RGS17: variants seen among roughly 807,000 people sequenced by gnomAD.
RGS17 encodes the protein regulator of G-protein signaling 17.
RGS17 carries 12 observed loss-of-function variants against 25.5 expected under a neutral mutation model. The observed-to-expected ratio is 0.47, with a 90% CI of 0.30 to 0.76. RGS17 has a LOEUF of 0.76. Among genes scored for constraint, RGS17 ranks in the 30% least tolerant of loss-of-function variants. RGS17 has a pLI of 0.07. For missense variants in RGS17, 196 were observed against 242.2 expected (o/e 0.81, Z 1.27); for synonymous variants, 71 against 76.9 (o/e 0.92, Z 0.40).
chr6:153,055,481 C>T (rs1367107172), intron 1 of RGS17, among the ~76,000 whole-genome samples: 3 of 152,096 alleles, frequency 2.0e-5, no homozygotes, highest in African/African-American at 7.2e-5. Context: ...TTTGACTTCA[C>T]ATGGTGGAGA....
chr6:153,043,899 C>T lies in RGS17; in HGVS notation c.119+1G>A. On this transcript the variant is annotated splice_donor_variant, in intron 2 of 4. Transcript: ENST00000206262. LOFTEE classifies it high-confidence loss of function. ...GGCATCCTACAGGTAACATGACATA[C>T]CAGGAGCAGCTGCAACAACAGCACC... The T allele has an allele frequency of 6.2e-7, 1 of 1,601,758 alleles. No homozygotes were observed.
intron 4 of RGS17, among the ~76,000 whole-genome samples, chr6:153,015,870 T>G (rs553743220): frequency 1.4e-4 from 22 of 151,966 alleles, no homozygotes; most frequent in South Asian, 4.2e-4. Context: ...AGCCAGGATG[T>G]TCTCAATCTC....
At chr6:153,113,319 A>T (rs1367065182) in intron 1 of RGS17, among the ~76,000 whole-genome samples, 1 of 152,170 alleles carries the variant, frequency 6.6e-6, no homozygotes, top group African/African-American at 2.4e-5. Flanking sequence ...CAACAAAAAT[A>T]AAAAAAGACA....
chr6:153,056,838 CTGTGTGTGTGTGTGTGTGTG>C lies in RGS17; in HGVS notation c.-25-12815_-25-12796del, dbSNP rs59058708. 1.7e-4 allele frequency among the ~76,000 whole-genome samples: 24 copies of C among 144,486 alleles called. 1 individual carries two copies. Among genetic ancestry groups the C allele is most frequent in the African/African-American group, 5.1e-4 (20 of 39,016 alleles). The allele number at this position is 144,486 out of a possible 152,430, so 94.8% of individuals were successfully genotyped here. ...ATTGAAAAACTCTTAAGAGGAAGGG[CTGTGTGTGTGTGTGTGTGTG>C]TGTGTGTGTGTGTGTGTGTGTGTGT... is the stretch of plus-strand genomic sequence containing the variant. On this transcript the variant is annotated intron_variant, in intron 1 of 4. Coordinates refer to ENST00000206262, the MANE Select transcript of RGS17 (RefSeq NM_012419.5).
At position 153,005,909 on chromosome 6, in the gene RGS17, A is replaced by G. The variant is rs559919576; in HGVS notation, c.*5665T>C. Reference sequence around the variant, plus strand: ...ATGTAATGATCAATATTGGCTCATTAATGCCCATAGATGTATATGGGACCT... The same window carrying G: ...ATGTAATGATCAATATTGGCTCATTGATGCCCATAGATGTATATGGGACCT... On this transcript the variant is annotated 3_prime_UTR_variant, in exon 5 of 5. Coordinates refer to ENST00000206262, the MANE Select transcript of RGS17 (RefSeq NM_012419.5). 6.6e-6 allele frequency: 1 copy of G among 152,246 alleles called. No homozygotes were observed. Among genetic ancestry groups the G allele is most frequent in the Non-Finnish European group, 1.5e-5 (1 of 68,038 alleles). 9.4% of individuals were successfully genotyped at this position (152,246 alleles called of 1,614,324 possible).
chr6:153,023,342 A>C, intron 4 of RGS17: 1 of 507,272 alleles, frequency 2.0e-6, no homozygotes, highest in South Asian at 1.4e-5. Flanking sequence ...AGGAGAAACA[A>C]AAAAGACAAA....
chr6:153,011,369 C>A lies in RGS17; in HGVS notation c.*205G>T. 1.9e-6 allele frequency: 1 copy of A among 539,052 alleles called. No individual in the cohort carries two copies. Among genetic ancestry groups the A allele is most frequent in the Non-Finnish European group, 3.3e-6 (1 of 307,378 alleles). The allele number at this position is 539,052 out of a possible 1,614,324, so 33.4% of individuals were successfully genotyped here. ...GTCTTGAATAAAACAAACAATTTGG[C>A]AATTCATTGTTTTGTGTGGTATTTT... On this transcript the variant is annotated 3_prime_UTR_variant, in exon 5 of 5. Coordinates refer to ENST00000206262, the MANE Select transcript of RGS17 (RefSeq NM_012419.5).
chr6:153,124,544 T>C (rs377088308), intron 1 of RGS17, among the ~76,000 whole-genome samples: 43 of 152,360 alleles, frequency 2.8e-4, no homozygotes, highest in African/African-American at 1.0e-3. Flanking sequence ...TGAGTACCAA[T>C]ATATGAAAGA....
At chr6:153,083,830 A>G (rs1193414005) in intron 1 of RGS17, among the ~76,000 whole-genome samples, 1 of 152,250 alleles carries the variant, frequency 6.6e-6, no homozygotes, top group Non-Finnish European at 1.5e-5. Flanking sequence ...TTGCATAAAC[A>G]ATGTCAGTTT....
intron 1 of RGS17, among the ~76,000 whole-genome samples, chr6:153,109,168 C>T (rs1032218995): frequency 2.6e-5 from 3 of 116,080 alleles, no homozygotes; most frequent in African/African-American, 6.6e-5. Context: ...CAGCTAAACG[C>T]CATTTTTTTT....
intron 1 of RGS17, among the ~76,000 whole-genome samples, chr6:153,111,391 A>T (rs147503115): frequency 0.01 from 1,580 of 152,226 alleles, 28 homozygotes; most frequent in African/African-American, 0.036. Context: ...GCCTCTCTAG[A>T]TTCCTCCACT....
chr6:153,107,808 T>C (rs1014741219), intron 1 of RGS17, among the ~76,000 whole-genome samples: 1 of 152,254 alleles, frequency 6.6e-6, no homozygotes, highest in Non-Finnish European at 1.5e-5. Flanking sequence ...TATCATTACA[T>C]ATTTTCCTGG....
Position 153,024,509 on chromosome 6 carries a change from A to T in RGS17, c.210-13T>A. 1 of 1,592,166 alleles carries T rather than the reference A, an allele frequency of 6.3e-7. No individual in the cohort carries two copies. Among genetic ancestry groups the T allele is most frequent in the Non-Finnish European group, 8.6e-7 (1 of 1,160,474 alleles). Reference sequence around the variant, plus strand: ...AGTGGGGTTTTGGCTGCAGAGACAGAACGGGGCCGTGATCAAAGGGAACTT... The same window carrying T: ...AGTGGGGTTTTGGCTGCAGAGACAGTACGGGGCCGTGATCAAAGGGAACTT... On this transcript the variant is annotated splice_polypyrimidine_tract_variant and intron_variant, in intron 3 of 4. Coordinates refer to ENST00000206262, the MANE Select transcript of RGS17 (RefSeq NM_012419.5).
At chr6:153,115,738 T>A (rs113100260) in intron 1 of RGS17, among the ~76,000 whole-genome samples, 3,188 of 152,126 alleles carry the variant, frequency 0.021, 110 homozygotes, top group African/African-American at 0.071. Flanking sequence ...TATAGAGCAA[T>A]GGAACAGAAC....
Position 153,024,502 on chromosome 6 carries a change from G to A in RGS17, c.210-6C>T, listed in dbSNP as rs745772953. 1.9e-5 allele frequency: 31 copies of A among 1,602,438 alleles called. No individual in the cohort carries two copies. The highest frequency in any genetic ancestry group is 4.3e-6 in the Non-Finnish European group (5 of 1,169,656). On this transcript the variant is annotated splice_region_variant and splice_polypyrimidine_tract_variant and intron_variant, in intron 3 of 4. Coordinates refer to ENST00000206262, the MANE Select transcript of RGS17 (RefSeq NM_012419.5). ...CCTCTGCAGTGGGGTTTTGGCTGCA[G>A]AGACAGAACGGGGCCGTGATCAAAG...
chr6:153,110,747 C>A (rs1777457591), intron 1 of RGS17, among the ~76,000 whole-genome samples: 1 of 152,200 alleles, frequency 6.6e-6, no homozygotes, highest in African/African-American at 2.4e-5. Flanking sequence ...CAGCTCATCT[C>A]ATTGCGACTG....
intron 1 of RGS17, among the ~76,000 whole-genome samples, chr6:153,074,595 T>C (rs933857004): frequency 6.6e-6 from 1 of 152,308 alleles, no homozygotes; most frequent in African/African-American, 2.4e-5. Context: ...AAAAAATGTT[T>C]CTTTAATTCC....
rs146967663 is a variant in RGS17 at position 153,118,213 on chromosome 6, C to T, written c.-26+12911G>A. Among the ~76,000 whole-genome samples, 977 of 152,244 alleles carry T rather than the reference C, an allele frequency of 6.4e-3. 13 individuals carry two copies. Among genetic ancestry groups the T allele is most frequent in the African/African-American group, 0.022 (931 of 41,526 alleles). On this transcript the variant is annotated intron_variant, in intron 1 of 4. Coordinates refer to ENST00000206262, the MANE Select transcript of RGS17 (RefSeq NM_012419.5). ...GCTCTCTTATGCTGATTTTTCACAC[C>T]CAGGAGTATTCAGATGCCCATCTGG...
chr6:153,076,356 A>G (rs1776879266), intron 1 of RGS17, among the ~76,000 whole-genome samples: 1 of 152,168 alleles, frequency 6.6e-6, no homozygotes, highest in African/African-American at 2.4e-5. Flanking sequence ...AGAAATACAG[A>G]AGTTAAGAAA....
Sources: gnomAD v4.1 joint callset for allele counts (sites outside exome capture counted in the v4.1 genomes callset) on GRCh38, gnomAD v4.1.1 for gene constraint, MANE v1.5 for transcripts, NCBI Gene and HGNC (gene_info 2026-07-23, HGNC 2026-07-21) for gene names.